Variants in ALDH1A2 observed in about 807,000 individuals in gnomAD.
ALDH1A2 encodes the protein aldehyde dehydrogenase 1 family member A2.
In ALDH1A2, 27 loss-of-function variants were observed where a neutral mutation model predicts 60.3. That is an observed-to-expected ratio of 0.45 (90% CI 0.33 to 0.62). The LOEUF (loss-of-function observed/expected upper bound fraction) is 0.62, where lower values mean the gene tolerates loss of function less well. Among genes scored for constraint, ALDH1A2 ranks in the 20% least tolerant of loss-of-function variants. ALDH1A2 has a pLI of 0.02. For missense variants in ALDH1A2, 581 were observed against 643.8 expected (o/e 0.90, Z 1.06); for synonymous variants, 289 against 232.4 (o/e 1.24, Z -2.21).
rs781574976 is a variant in ALDH1A2 at position 57,963,873 on chromosome 15, T to A, written c.1086+12A>T. The A allele has an allele frequency of 1.9e-6, 3 of 1,614,104 alleles. No homozygotes were observed. The highest frequency in any genetic ancestry group is 2.5e-6 in the Non-Finnish European group (3 of 1,179,976). On this transcript the variant is annotated intron_variant, in intron 9 of 12. Coordinates refer to ENST00000249750, the MANE Select transcript of ALDH1A2 (RefSeq NM_003888.4). ...ATTAAGTAAACAAAGGGAATGGTTA[T>A]GATTTTTCTACCTGGGGACCCTGCT...
At position 57,960,847 on chromosome 15, in the gene ALDH1A2, G is replaced by A. The variant is rs1225872382; in HGVS notation, c.1410-3C>T. 1 of 1,613,558 alleles carries A rather than the reference G, an allele frequency of 6.2e-7. No individual in the cohort carries two copies. The highest frequency in any genetic ancestry group is 8.5e-7 in the Non-Finnish European group (1 of 1,179,548). The stretch of plus-strand genomic sequence containing the variant: ...TTAAGGCATTGTAACAATTGATCCT[G>A]AAAGAAGAAAACATAGCACTGTGAG... On this transcript the variant is annotated splice_region_variant and splice_polypyrimidine_tract_variant and intron_variant, in intron 11 of 12. Coordinates refer to ENST00000249750, the MANE Select transcript of ALDH1A2 (RefSeq NM_003888.4).
chr15:58,028,555 T>C (rs1896141206), intron 1 of ALDH1A2, among the ~76,000 whole-genome samples: 1 of 152,140 alleles, frequency 6.6e-6, no homozygotes, highest in African/African-American at 2.4e-5. Context: ...ATAACAATAT[T>C]AACCTTAAAT....
chr15:58,048,394 C>T (rs1256521483), intron 1 of ALDH1A2, among the ~76,000 whole-genome samples: 1 of 151,988 alleles, frequency 6.6e-6, no homozygotes, highest in Non-Finnish European at 1.5e-5. Context: ...CTCACATATC[C>T]ATCTAACCTC....
chr15:58,061,546 T>C (rs1162904827), intron 1 of ALDH1A2, among the ~76,000 whole-genome samples: 2 of 136,176 alleles, frequency 1.5e-5, no homozygotes, highest in African/African-American at 5.4e-5. Context: ...ATTTTCTCCA[T>C]GGTTGCGAGA....
chr15:58,022,890 G>C (rs1895970684), intron 1 of ALDH1A2, among the ~76,000 whole-genome samples: 2 of 151,982 alleles, frequency 1.3e-5, no homozygotes, highest in Non-Finnish European at 1.5e-5. Flanking sequence ...TTCAAAAATA[G>C]GAAGAACCAA....
intron 1 of ALDH1A2, among the ~76,000 whole-genome samples, chr15:58,052,815 C>G (rs1896808550): frequency 6.6e-6 from 1 of 152,080 alleles, no homozygotes; most frequent in Non-Finnish European, 1.5e-5. Context: ...TGAAAGGTTT[C>G]TATTTCAGAG....
At chr15:58,039,434 T>G (rs1033686276) in intron 1 of ALDH1A2, among the ~76,000 whole-genome samples, 2 of 151,764 alleles carry the variant, frequency 1.3e-5, no homozygotes, top group Admixed American at 6.6e-5. Flanking sequence ...TGTTACAAAT[T>G]GGACAACACC....
chr15:57,983,464 A>C (rs114938125), intron 7 of ALDH1A2, among the ~76,000 whole-genome samples: 2,076 of 152,292 alleles, frequency 0.014, 56 homozygotes, highest in African/African-American at 0.047. Context: ...GACAGCCTTA[A>C]ATTCTTGCCA....
intron 5 of ALDH1A2, among the ~76,000 whole-genome samples, chr15:57,993,406 C>G (rs111576344): frequency 6.6e-6 from 1 of 152,036 alleles, no homozygotes; most frequent in African/African-American, 2.4e-5. Context: ...AATAAGTTCT[C>G]GTGTATGAAA....
At chr15:57,984,124 C>G (rs36018359) in intron 7 of ALDH1A2, among the ~76,000 whole-genome samples, 3,480 of 152,292 alleles carry the variant, frequency 0.023, 52 homozygotes, top group Middle Eastern at 0.034. Context: ...CAGTGTACCA[C>G]TGTAATATGG....
intron 4 of ALDH1A2, among the ~76,000 whole-genome samples, chr15:58,000,610 T>A (rs1385259549): frequency 6.6e-6 from 1 of 152,022 alleles, no homozygotes; most frequent in Non-Finnish European, 1.5e-5. Context: ...CTAATATTCT[T>A]CAAACCAAGG....
rs193166006 is a variant in ALDH1A2 at position 57,996,825 on chromosome 15, C to T, written c.494-1686G>A. Among the ~76,000 whole-genome samples, 463 of 152,140 alleles carry T rather than the reference C, an allele frequency of 3.0e-3. 3 individuals are homozygous for T. The highest frequency in any genetic ancestry group is 0.011 in the African/African-American group (443 of 41,534). ...CTCTTTAACACTGAGGTTTTTCCAA[C>T]ATTTTCATTTCAGCTAATCTGATAG... is the stretch of plus-strand genomic sequence containing the variant. On this transcript the variant is annotated intron_variant, in intron 4 of 12. Coordinates refer to ENST00000249750, the MANE Select transcript of ALDH1A2 (RefSeq NM_003888.4).
chr15:57,959,608 TACTTAATCCTTAC>T (rs1402884262), intron 12 of ALDH1A2, among the ~76,000 whole-genome samples: 95 of 152,252 alleles, frequency 6.2e-4, no homozygotes, highest in Non-Finnish European at 1.2e-3. Context: ...GATGTTTGCA[TACTTAATCCTTAC>T]ACTTAATCCT....
At position 57,972,486 on chromosome 15, in the gene ALDH1A2, C is replaced by T. The variant is rs187530803; in HGVS notation, c.799-6659G>A. On this transcript the variant is annotated intron_variant, in intron 7 of 12. Transcript: ENST00000249750. ...GCATGGAGTAGTCAAGCCAAAAGTA[C>T]TCTATGTCCCATTAACTAGGTGAGC... Among the ~76,000 whole-genome samples the T allele has an allele frequency of 2.6e-3, 389 of 152,306 alleles. 1 individual carries two copies. Among genetic ancestry groups the T allele is most frequent in the Non-Finnish European group, 2.2e-3 (149 of 68,028 alleles).
chr15:57,956,167 C>T (rs1235373473), intron 12 of ALDH1A2, among the ~76,000 whole-genome samples: 1 of 152,086 alleles, frequency 6.6e-6, no homozygotes, highest in Non-Finnish European at 1.5e-5. Context: ...CCTACAACAG[C>T]AGGCACAAAG....
intron 11 of ALDH1A2, 48 bp from the exon 12 acceptor site, chr15:57,960,892 C>G (rs146966659): frequency 6.5e-7 from 1 of 1,531,126 alleles, no homozygotes; most frequent in Admixed American, 1.7e-5. Flanking sequence ...AGTCTGAGCA[C>G]ATAATCTGAC....
chr15:58,052,743 G>T (rs370081603), intron 1 of ALDH1A2, among the ~76,000 whole-genome samples: 1 of 152,134 alleles, frequency 6.6e-6, no homozygotes, highest in Admixed American at 6.5e-5. Flanking sequence ...CAGAGCTGGG[G>T]TCAGAACACG....
intron 1 of ALDH1A2, among the ~76,000 whole-genome samples, chr15:58,035,547 C>T (rs768358726): frequency 3.3e-5 from 5 of 151,524 alleles, no homozygotes; most frequent in Non-Finnish European, 5.9e-5. Flanking sequence ...TAAATATATG[C>T]ATTCAGTGTG....
intron 4 of ALDH1A2, among the ~76,000 whole-genome samples, chr15:58,004,435 G>A (rs2085808791): frequency 1.3e-5 from 2 of 151,670 alleles, no homozygotes; most frequent in South Asian, 2.1e-4. Context: ...AATAGTCAAC[G>A]TGGTACCCAA....
Sources: allele counts gnomAD v4.1 joint callset (sites outside exome capture counted in the v4.1 genomes callset), GRCh38; gene constraint gnomAD v4.1.1; transcripts MANE v1.5; gene names NCBI Gene and HGNC (gene_info 2026-07-23, HGNC 2026-07-21).